DAB1: variants seen among roughly 807,000 people sequenced by gnomAD.
DAB1 encodes the protein DAB adaptor protein 1.
DAB1 carries 15 observed loss-of-function variants against 64.6 expected under a neutral mutation model. That is an observed-to-expected ratio of 0.23 (90% CI 0.16 to 0.36). The LOEUF (loss-of-function observed/expected upper bound fraction) is 0.36. Ranked by LOEUF, DAB1 falls within the 10% of genes least tolerant of loss-of-function variation. The pLI, the probability that DAB1 is intolerant of heterozygous loss-of-function variation, is 1.00. For missense variants in DAB1, 596 were observed against 706.7 expected, an observed-to-expected ratio of 0.84 and a Z score of 1.78; for synonymous variants, 235 against 251.9, an observed-to-expected ratio of 0.93 and a Z score of 0.64.
chr1:57,282,199 A>C (rs866119157), intron 2 of DAB1, among the ~76,000 whole-genome samples: 1,347 of 100,944 alleles, frequency 0.013, 52 homozygotes, highest in African/African-American at 0.048. Flanking sequence ...AAAAAAAAAA[A>C]AAAAAAAAAA....
chr1:57,553,720 T>G (rs936419613), intron 7 of DAB1, among the ~76,000 whole-genome samples: 3 of 151,736 alleles, frequency 2.0e-5, no homozygotes, highest in Non-Finnish European at 4.4e-5. Flanking sequence ...ATAGGAGCGA[T>G]GAGCCTAGAG....
chr1:57,555,482 C>T (rs533395903), intron 7 of DAB1, among the ~76,000 whole-genome samples: 2 of 147,720 alleles, frequency 1.4e-5, no homozygotes, highest in African/African-American at 2.5e-5. Context: ...AAAAAGTATA[C>T]GAAATCACGT....
intron 5 of DAB1, among the ~76,000 whole-genome samples, chr1:58,050,676 C>A (rs949646033): frequency 6.6e-6 from 1 of 152,110 alleles, no homozygotes; most frequent in African/African-American, 2.4e-5. Context: ...ACTACAGGTG[C>A]CCGCCACCTC....
At chr1:57,632,069 G>A (rs908660977) in intron 7 of DAB1, among the ~76,000 whole-genome samples, 1 of 152,178 alleles carries the variant, frequency 6.6e-6, no homozygotes, top group Non-Finnish European at 1.5e-5. Context: ...TATTGTCTGA[G>A]GTATATGGGA....
chr1:58,434,440 C>T (rs1358227303), intron 3 of DAB1, among the ~76,000 whole-genome samples: 1 of 150,268 alleles, frequency 6.7e-6, no homozygotes, highest in Non-Finnish European at 1.5e-5. Flanking sequence ...GATTTCATGT[C>T]AGAACAGCAG....
At chr1:57,791,414 A>G (rs1323837) in intron 6 of DAB1, among the ~76,000 whole-genome samples, 24,630 of 152,170 alleles carry the variant, frequency 0.16, 2,474 homozygotes, top group Admixed American at 0.31. Flanking sequence ...ACTAGGCTTG[A>G]CATGTTCATT....
chr1:57,016,192 A>G (rs1249820308), intron 11 of DAB1, among the ~76,000 whole-genome samples: 1 of 152,178 alleles, frequency 6.6e-6, no homozygotes, highest in Non-Finnish European at 1.5e-5. Flanking sequence ...GTTACTTATT[A>G]CGTTGCTTAA....
chr1:57,449,057 A>G (rs572887667), intron 7 of DAB1, among the ~76,000 whole-genome samples: 19 of 152,144 alleles, frequency 1.2e-4, no homozygotes, highest in Non-Finnish European at 1.2e-4. Context: ...ACCCCATCTC[A>G]TCTGGAGTTT....
intron 7 of DAB1, among the ~76,000 whole-genome samples, chr1:57,552,225 T>C (rs545135847): frequency 6.6e-6 from 1 of 152,328 alleles, no homozygotes; most frequent in African/African-American, 2.4e-5. Flanking sequence ...ATGAGTCATT[T>C]TTTATTCTAA....
At chr1:57,385,683 A>ATAG (rs1035389283) in intron 1 of DAB1, among the ~76,000 whole-genome samples, 5 of 152,218 alleles carry the variant, frequency 3.3e-5, no homozygotes, top group Non-Finnish European at 7.3e-5. Flanking sequence ...AGGGTGAAAT[A>ATAG]TAGGCATTAA....
At chr1:57,013,450 A>T (rs142460061) in intron 12 of DAB1, among the ~76,000 whole-genome samples, 129 of 152,184 alleles carry the variant, frequency 8.5e-4, no homozygotes, top group African/African-American at 2.7e-3. Flanking sequence ...TTTTTTATTC[A>T]TTATTCCTCA....
At chr1:57,402,661 A>G (rs931624089) in intron 1 of DAB1, among the ~76,000 whole-genome samples, 4 of 152,216 alleles carry the variant, frequency 2.6e-5, no homozygotes, top group Non-Finnish European at 4.4e-5. Flanking sequence ...AAAGAAAAAT[A>G]ATCACAATAG....
At chr1:58,274,642 G>A (rs1661390195) in intron 4 of DAB1, among the ~76,000 whole-genome samples, 1 of 151,990 alleles carries the variant, frequency 6.6e-6, no homozygotes, top group African/African-American at 2.4e-5. Context: ...AGACTTCTGT[G>A]CTAGCAGTCA....
At chr1:57,178,539 C>G (rs1662577281) in intron 2 of DAB1, among the ~76,000 whole-genome samples, 1 of 152,090 alleles carries the variant, frequency 6.6e-6, no homozygotes, top group Non-Finnish European at 1.5e-5. Flanking sequence ...ATTAACGAAA[C>G]TATTCATGAA....
chr1:57,543,114 C>T (rs1356624248), intron 7 of DAB1, among the ~76,000 whole-genome samples: 1 of 152,160 alleles, frequency 6.6e-6, no homozygotes, highest in Non-Finnish European at 1.5e-5. Context: ...AACAGAACCA[C>T]CCAGCTAAGC....
At chr1:58,164,630 T>A (rs928395789) in intron 4 of DAB1, among the ~76,000 whole-genome samples, 2 of 152,224 alleles carry the variant, frequency 1.3e-5, no homozygotes, top group Non-Finnish European at 2.9e-5. Flanking sequence ...GTGATTCTCA[T>A]GCACACATGA....
intron 7 of DAB1, among the ~76,000 whole-genome samples, chr1:57,431,164 C>CA (rs893086476): frequency 1.3e-4 from 16 of 122,228 alleles, no homozygotes; most frequent in Middle Eastern, 4.1e-3. Flanking sequence ...AAAAGAAAAA[C>CA]AAAAAAAAAG....
chr1:56,998,820 G>A (rs1645733548), intron 14 of DAB1, among the ~76,000 whole-genome samples: 1 of 152,076 alleles, frequency 6.6e-6, no homozygotes, highest in Non-Finnish European at 1.5e-5. Flanking sequence ...ACACATACAG[G>A]GATTTTCAAC....
rs569924030 is a variant in DAB1 at position 57,877,685 on chromosome 1, C to T, written n.87+6314G>A. On this transcript the variant is annotated intron_variant and non_coding_transcript_variant, in intron 1 of 1. Coordinates refer to the DAB1 transcript ENST00000477280. ...ACGCCATTCTCCTGCCTCAGCCTCC[C>T]GAGTAGCTGGGACTACAGGCGCCCA... Among the ~76,000 whole-genome samples, 2 of 82,722 alleles carry T rather than the reference C, an allele frequency of 2.4e-5. 1 individual carries two copies. Among genetic ancestry groups the T allele is most frequent in the South Asian group, 6.8e-4 (2 of 2,958 alleles). 54.3% of individuals were successfully genotyped at this position (82,722 alleles called of 152,430 possible). A position where few individuals can be genotyped will look rare whatever the true frequency, so the allele number is the denominator to read the frequency against.
Sources: allele counts gnomAD v4.1 joint callset (sites outside exome capture counted in the v4.1 genomes callset), GRCh38; gene constraint gnomAD v4.1.1; transcripts MANE v1.5; gene names NCBI Gene and HGNC (gene_info 2026-07-23, HGNC 2026-07-21).